The following RNF214 variants were observed in gnomAD, a reference collection of about 807,000 sequenced individuals.
The protein encoded by RNF214 is ring finger protein 214.
RNF214 carries 25 observed loss-of-function variants against 75.9 expected under a neutral mutation model. The ratio of observed to expected loss-of-function variants is 0.33; its 90% CI spans 0.24 to 0.46. RNF214 has a LOEUF of 0.46. Among genes scored for constraint, RNF214 ranks in the 20% least tolerant of loss-of-function variants. The pLI, the probability that RNF214 is intolerant of heterozygous loss-of-function variation, is 1.00. For synonymous variants in RNF214, 314 were observed against 308.8 expected (o/e 1.02, Z -0.18); for missense variants, 725 against 857.5 (o/e 0.85, Z 1.93).
intron 3 of RNF214, 112 bp downstream of exon 3, chr11:117,239,223 T>G (rs1400555205): frequency 8.2e-6 from 9 of 1,097,096 alleles, no homozygotes; most frequent in Admixed American, 2.4e-5. Context: ...TTGTTTTTTG[T>G]TTTTTTTGCT....
intron 10 of RNF214, 93 bp downstream of exon 10, chr11:117,281,791 C>T: frequency 1.3e-6 from 2 of 1,495,778 alleles, no homozygotes; most frequent in Non-Finnish European, 9.2e-7. Context: ...ATATTGGGAC[C>T]ATCCCTATTC....
chr11:117,280,083 G>A (rs1020539481), intron 7 of RNF214, 79 bp downstream of exon 7: 36 of 1,480,212 alleles, frequency 2.4e-5, no homozygotes, highest in African/African-American at 8.4e-5. Flanking sequence ...TGTAATAGGA[G>A]AGCCAGTAAG....
chr11:117,272,016 G>A lies in RNF214; in HGVS notation c.960-7892G>A, dbSNP rs191838934. ...TTCTTAGAGGCGAGGGTCTTGCCAT[G>A]TTGCCCAGGCTAGTCTTGAACTCCT... On this transcript the variant is annotated intron_variant, in intron 6 of 14. Coordinates refer to ENST00000300650, the MANE Select transcript of RNF214 (RefSeq NM_207343.4). Among the ~76,000 whole-genome samples, 12 of 152,236 alleles carry A rather than the reference G, an allele frequency of 7.9e-5. No homozygotes were observed. The East Asian group carries it at 2.3e-3, about 29-fold the overall frequency.
At chr11:117,250,589 TTTTA>T (rs1404301353) in intron 6 of RNF214, among the ~76,000 whole-genome samples, 1 of 125,350 alleles carries the variant, frequency 8.0e-6, no homozygotes, top group Non-Finnish European at 1.6e-5. Context: ...ATTTTATTAT[TTTTA>T]TTTATTTATT....
chr11:117,263,805 TG>T, intron 6 of RNF214: 1 of 226,840 alleles, frequency 4.4e-6, no homozygotes. Flanking sequence ...GTAATTGTCC[TG>T]GCCTATGCTT....
At chr11:117,260,901 G>C (rs1301556082) in intron 6 of RNF214, among the ~76,000 whole-genome samples, 1 of 149,292 alleles carries the variant, frequency 6.7e-6, no homozygotes, top group South Asian at 2.2e-4. Flanking sequence ...TGATCCGCCC[G>C]CCTTGGCGTC....
chr11:117,258,517 AT>A (rs1285221597), intron 6 of RNF214, among the ~76,000 whole-genome samples: 1 of 152,088 alleles, frequency 6.6e-6, no homozygotes, highest in Non-Finnish European at 1.5e-5. Flanking sequence ...CATGTACATA[AT>A]TAATTAGAGT....
chr11:117,256,278 G>A (rs1406569116), intron 6 of RNF214, among the ~76,000 whole-genome samples: 2 of 152,094 alleles, frequency 1.3e-5, no homozygotes, highest in African/African-American at 4.8e-5. Context: ...AGCTTCTTGA[G>A]GACAACTGTT....
chr11:117,282,137 C>G lies in RNF214; in HGVS notation c.1579C>G (p.Pro527Ala), dbSNP rs1020859501. 6.2e-7 allele frequency: 1 copy of G among 1,614,124 alleles called. No individual in the cohort carries two copies. Among genetic ancestry groups the G allele is most frequent in the African/African-American group, 1.3e-5 (1 of 75,038 alleles). The change falls in exon 11 of 15, where the codon CCT becomes GCT. Residue 527 changes from proline (P) to alanine (A), a missense_variant. Physicochemically the swap from Pro to Ala is conservative, Grantham distance 27. This residue lies in a region of RNF214 where 363 missense variants were observed against 513.0 expected (regional missense o/e 0.71). Transcript: ENST00000300650. ...CAGCCCCCACGGTCCACACATGCCC[C>G]CTGCCGCCTCCATCCCACCTCCCCC... is the stretch of plus-strand genomic sequence containing the variant. ...LVSPHGPHMP[P>A]AASIPPPPGL...
chr11:117,264,891 T>A (rs780106282), intron 6 of RNF214, among the ~76,000 whole-genome samples: 3 of 151,606 alleles, frequency 2.0e-5, no homozygotes, highest in Non-Finnish European at 4.4e-5. Context: ...TGGTGAAACC[T>A]CGTCTCTACT....
intron 6 of RNF214, among the ~76,000 whole-genome samples, chr11:117,264,995 G>C (rs1217032977): frequency 6.6e-6 from 1 of 151,632 alleles, no homozygotes; most frequent in Non-Finnish European, 1.5e-5. Context: ...TTAAACCCAG[G>C]AGGCGGAGGT....
At chr11:117,248,180 A>C (rs973807310) in intron 6 of RNF214, among the ~76,000 whole-genome samples, 3 of 152,210 alleles carry the variant, frequency 2.0e-5, no homozygotes, top group Non-Finnish European at 2.9e-5. Context: ...GGTTCACGCC[A>C]TTCTCCTGCC....
intron 6 of RNF214, among the ~76,000 whole-genome samples, chr11:117,275,475 C>T (rs1033570253): frequency 2.0e-5 from 3 of 152,132 alleles, no homozygotes; most frequent in South Asian, 4.2e-4. Flanking sequence ...TTCTTTGAAA[C>T]GATAAGCAAA....
intron 6 of RNF214, among the ~76,000 whole-genome samples, chr11:117,275,606 A>G (rs1055025116): frequency 6.6e-6 from 1 of 152,234 alleles, no homozygotes; most frequent in Non-Finnish European, 1.5e-5. Context: ...GACTGCTGTG[A>G]ACACATATAT....
chr11:117,234,204 G>A (rs766495844), intron 1 of RNF214, 63 bp from the exon 2 acceptor site: 1 of 1,173,620 alleles, frequency 8.5e-7, no homozygotes, highest in South Asian at 1.2e-5. Context: ...TCTGAGGGGG[G>A]AGAGATACAT....
At chr11:117,262,103 T>C (rs2033679390) in intron 6 of RNF214, among the ~76,000 whole-genome samples, 2 of 151,182 alleles carry the variant, frequency 1.3e-5, no homozygotes, top group African/African-American at 2.4e-5. Flanking sequence ...CGAGTCTGGC[T>C]CCGTCCCCCA....
At chr11:117,273,360 TTTA>T (rs57646164) in intron 6 of RNF214, among the ~76,000 whole-genome samples, 264 of 150,958 alleles carry the variant, frequency 1.7e-3, no homozygotes, top group African/African-American at 6.0e-3. Flanking sequence ...TCAAATTTGT[TTTA>T]TTATTATTAT....
At chr11:117,242,110 G>A (rs1306929601) in intron 4 of RNF214, among the ~76,000 whole-genome samples, 1 of 151,974 alleles carries the variant, frequency 6.6e-6, no homozygotes, top group African/African-American at 2.4e-5. Context: ...ACTTACCTTT[G>A]TTAAAATGCT....
intron 6 of RNF214, among the ~76,000 whole-genome samples, chr11:117,262,834 G>A (rs1461633826): frequency 6.6e-6 from 1 of 152,068 alleles, no homozygotes; most frequent in East Asian, 1.9e-4. Context: ...TTTTGAGACA[G>A]GGTGTTGCTC....
Sources: gnomAD v4.1 joint callset for allele counts (sites outside exome capture counted in the v4.1 genomes callset) on GRCh38, gnomAD v4.1.1 for gene constraint, gnomAD v4.1.1 regional missense constraint, MANE v1.5 for transcripts, NCBI Gene and HGNC (gene_info 2026-07-23, HGNC 2026-07-21) for gene names.